HGF: variants seen among roughly 807,000 people sequenced by gnomAD.
HGF encodes the protein fibroblast-derived tumor cytotoxic factor.
In HGF, 39 loss-of-function variants were observed where a neutral mutation model predicts 111.6. The ratio of observed to expected loss-of-function variants is 0.35; its 90% CI spans 0.27 to 0.46. The LOEUF (loss-of-function observed/expected upper bound fraction) is 0.46, where lower values mean the gene tolerates loss of function less well. HGF is among the 20% of genes least tolerant of loss of function. The pLI, the probability that HGF is intolerant of heterozygous loss-of-function variation, is 1.00. For synonymous variants in HGF, 285 were observed against 294.8 expected (o/e 0.97, Z 0.34); for missense variants, 735 against 910.5 (o/e 0.81, Z 2.48).
At chr7:81,724,550 A>G (rs1445660174) in intron 9 of HGF, among the ~76,000 whole-genome samples, 3 of 152,200 alleles carry the variant, frequency 2.0e-5, no homozygotes, top group Non-Finnish European at 2.9e-5. Context: ...AATATTTAAC[A>G]AATTATTTCT....
intron 13 of HGF, among the ~76,000 whole-genome samples, chr7:81,708,602 C>T (rs1789492740): frequency 1.5e-5 from 2 of 134,026 alleles, no homozygotes; most frequent in Admixed American, 1.7e-4. Flanking sequence ...TGCCACCATG[C>T]CCGGCTAATT....
At chr7:81,744,933 AG>A in intron 6 of HGF, 66 bp downstream of exon 6, 1 of 1,505,380 alleles carries the variant, frequency 6.6e-7, no homozygotes, top group Non-Finnish European at 9.2e-7. Flanking sequence ...TTTCCACAGC[AG>A]TGTGTCATAG....
intron 5 of HGF, chr7:81,751,798 G>A (rs1016745117): frequency 8.7e-7 from 1 of 1,145,174 alleles, no homozygotes; most frequent in South Asian, 2.4e-5. Context: ...CTCCTTTCAG[G>A]TGCCACACAG....
intron 7 of HGF, among the ~76,000 whole-genome samples, chr7:81,739,228 C>A (rs1476725276): frequency 6.6e-6 from 1 of 152,016 alleles, no homozygotes; most frequent in African/African-American, 2.4e-5. Context: ...TGATATTGTT[C>A]ACATCCTTCC....
At chr7:81,703,591 A>T (rs1789344465) in intron 17 of HGF, among the ~76,000 whole-genome samples, 1 of 149,742 alleles carries the variant, frequency 6.7e-6, no homozygotes, top group African/African-American at 2.4e-5. Flanking sequence ...ATATATAATA[A>T]GTAAATATAA....
chr7:81,720,973 C>T lies in HGF; in HGVS notation c.1169-126G>A, dbSNP rs193100664. On this transcript the variant is annotated intron_variant, in intron 9 of 17. Transcript: ENST00000222390. ...TTAAAGTACTTGAAAGGGCTGGGTG[C>T]GGTGGCTCACGCCTGTAATCCCAGC... The T allele has an allele frequency of 1.3e-3, 822 of 657,470 alleles. 13 individuals carry two copies. In the East Asian group the frequency reaches 0.021, roughly 17 times the overall value. The allele number at this position is 657,470 out of a possible 1,614,324, so 40.7% of individuals were successfully genotyped here. A position where few individuals can be genotyped will look rare whatever the true frequency, so the allele number is the denominator to read the frequency against.
At chr7:81,730,827 G>T (rs1787629423) in intron 7 of HGF, among the ~76,000 whole-genome samples, 2 of 152,038 alleles carry the variant, frequency 1.3e-5, no homozygotes, top group African/African-American at 4.8e-5. Context: ...CAATCTAAAT[G>T]GCCATTCAAG....
chr7:81,731,592 G>T (rs1197039859), intron 7 of HGF, among the ~76,000 whole-genome samples: 1 of 152,060 alleles, frequency 6.6e-6, no homozygotes, highest in African/African-American at 2.4e-5. Context: ...AAATAAGATG[G>T]ATTTCATAGG....
chr7:81,731,087 T>C (rs1237136203), intron 7 of HGF, among the ~76,000 whole-genome samples: 2 of 152,234 alleles, frequency 1.3e-5, no homozygotes, highest in African/African-American at 2.4e-5. Flanking sequence ...ATGTAGTTAG[T>C]TGAATGCTTT....
intron 9 of HGF, 28 bp downstream of exon 9, chr7:81,725,862 G>C (rs757695912): frequency 6.2e-7 from 1 of 1,613,238 alleles, no homozygotes; most frequent in South Asian, 1.1e-5. Flanking sequence ...ATTTAATCAT[G>C]CCCACCCTGC....
chr7:81,707,471 G>C (rs1354056271), intron 13 of HGF, 107 bp from the exon 14 acceptor site: 1 of 702,972 alleles, frequency 1.4e-6, no homozygotes, highest in African/African-American at 1.8e-5. Context: ...ACACTGCAGA[G>C]GAAAATATAG....
At chr7:81,724,157 T>A (rs1789947045) in intron 9 of HGF, among the ~76,000 whole-genome samples, 1 of 152,182 alleles carries the variant, frequency 6.6e-6, no homozygotes, top group Non-Finnish European at 1.5e-5. Flanking sequence ...AATGTTCAAG[T>A]AAATGAGACA....
chr7:81,765,017 C>T (rs529607906), intron 1 of HGF, among the ~76,000 whole-genome samples: 13 of 151,918 alleles, frequency 8.6e-5, no homozygotes, highest in African/African-American at 2.2e-4. Flanking sequence ...GTTTTATACA[C>T]GTATTTCTTA....
chr7:81,762,525 C>G (rs1213569753), intron 2 of HGF, among the ~76,000 whole-genome samples, 182 bp downstream of exon 2: 4 of 152,172 alleles, frequency 2.6e-5, no homozygotes, highest in African/African-American at 9.7e-5. Context: ...TGCGCTCTCC[C>G]TTACTCAAGC....
At chr7:81,709,318 A>G (rs142498234) in intron 13 of HGF, among the ~76,000 whole-genome samples, 1 of 152,292 alleles carries the variant, frequency 6.6e-6, no homozygotes, top group African/African-American at 2.4e-5. Flanking sequence ...ACAAGAGACA[A>G]TGTGGTTCAA....
In HGF at chr7:81,756,866, C is replaced by T. The variant is rs1225692950; in HGVS notation, c.482+323G>A. On this transcript the variant is annotated intron_variant, in intron 4 of 17. Coordinates refer to ENST00000222390, the MANE Select transcript of HGF (RefSeq NM_000601.6). ...CTACCTCTGATTTTTCACAATCAACCTCTCCCCCTGCACAGTGCCGTACTT... is the reference window on the plus strand; with the variant it reads ...CTACCTCTGATTTTTCACAATCAACTTCTCCCCCTGCACAGTGCCGTACTT... The T allele has an allele frequency of 5.1e-5, 17 of 331,464 alleles. No individual in the cohort carries two copies. In the East Asian group the frequency reaches 1.1e-3, roughly 21 times the overall value. The allele number at this position is 331,464 out of a possible 1,614,324, so 20.5% of individuals were successfully genotyped here. A position where few individuals can be genotyped will look rare whatever the true frequency, so the allele number is the denominator to read the frequency against.
chr7:81,735,655 G>T (rs1368360104), intron 7 of HGF, among the ~76,000 whole-genome samples: 1 of 151,992 alleles, frequency 6.6e-6, no homozygotes, highest in Non-Finnish European at 1.5e-5. Context: ...CTAAGGGAAA[G>T]GATTTTTTTG....
At chr7:81,709,793 T>A (rs1288867583) in intron 13 of HGF, among the ~76,000 whole-genome samples, 1 of 152,126 alleles carries the variant, frequency 6.6e-6, no homozygotes, top group Non-Finnish European at 1.5e-5. Context: ...ACCCATAATA[T>A]CCTAGATTGG....
chr7:81,753,176 C>A (rs955523251), intron 4 of HGF, among the ~76,000 whole-genome samples: 2 of 152,004 alleles, frequency 1.3e-5, no homozygotes, highest in African/African-American at 4.8e-5. Flanking sequence ...GTGTTATTAC[C>A]AGCATAAAGT....
Sources: allele counts gnomAD v4.1 joint callset (sites outside exome capture counted in the v4.1 genomes callset), GRCh38; gene constraint gnomAD v4.1.1; transcripts MANE v1.5; gene names NCBI Gene and HGNC (gene_info 2026-07-23, HGNC 2026-07-21).